CSMD1: variants seen among roughly 807,000 people sequenced by gnomAD.
CSMD1 encodes CUB and Sushi multiple domains 1.
Under a neutral mutation model 417.5 loss-of-function variants are expected in CSMD1, and 213 were observed. That is an observed-to-expected ratio of 0.51 (90% CI 0.46 to 0.57). The LOEUF (loss-of-function observed/expected upper bound fraction) is 0.57, where lower values mean the gene tolerates loss of function less well. CSMD1 is among the 20% of genes least tolerant of loss of function. The pLI is 0.00. For synonymous variants in CSMD1, 2,862 were observed against 1,736.8 expected (o/e 1.65, Z -16.11); for missense variants, 6,923 against 4,529.7 (o/e 1.53, Z -15.17).
rs141847117 is a variant in CSMD1, at chr8:3,224,990, A to G, written c.4346-1123T>C. Among the ~76,000 whole-genome samples, 15 of 152,340 alleles carry G rather than the reference A, an allele frequency of 9.8e-5. No homozygotes were observed. In the East Asian group the frequency reaches 1.4e-3, roughly 14 times the overall value. On this transcript the variant is annotated intron_variant, in intron 27 of 69. Transcript: ENST00000635120. ...GACTACAATTAAATCATAGTATTCC[A>G]CTTAAATTATATGTCTTATTTCATT...
chr8:3,108,680 T>C lies in CSMD1; in HGVS notation c.6677A>G (p.Tyr2226Cys), dbSNP rs376224992. ...FSGNTALETA[Y>C]SSTNQVLLKF... Reference sequence around the variant, plus strand: ...GAGCAGGACTTGGTTGGTGGAGCTATACGCCGTTTCGAGGGCTGTGTTGCC... The same window carrying C: ...GAGCAGGACTTGGTTGGTGGAGCTACACGCCGTTTCGAGGGCTGTGTTGCC... Residue 2226 changes from tyrosine to cysteine, a missense_variant, in exon 44 of 70, where the codon TAT (tyrosine) becomes TGT (cysteine). Tyr to Cys is a radical substitution (Grantham distance 194, BLOSUM62 -2). Coordinates refer to ENST00000635120, the MANE Select transcript of CSMD1 (RefSeq NM_033225.6). 22 of 1,613,702 alleles carry C rather than the reference T, an allele frequency of 1.4e-5. No individual in the cohort carries two copies. The highest frequency in any genetic ancestry group is 1.7e-5 in the Non-Finnish European group (20 of 1,179,844).
chr8:3,864,305 T>C (rs1804929624), intron 5 of CSMD1, among the ~76,000 whole-genome samples: 3 of 152,194 alleles, frequency 2.0e-5, no homozygotes, highest in Admixed American at 2.0e-4. Context: ...GTTGAGCTCT[T>C]TTCCTATGAG....
chr8:4,055,376 A>C (rs7001863), intron 3 of CSMD1, among the ~76,000 whole-genome samples: 1 of 152,020 alleles, frequency 6.6e-6, no homozygotes, highest in Non-Finnish European at 1.5e-5. Flanking sequence ...AAATTTCACA[A>C]ACTTACTAAG....
intron 3 of CSMD1, among the ~76,000 whole-genome samples, chr8:4,360,759 G>A (rs951732822): frequency 6.6e-6 from 1 of 151,624 alleles, no homozygotes; most frequent in Non-Finnish European, 1.5e-5. Flanking sequence ...CTCCAAAAGT[G>A]CTGGGACTAC....
chr8:3,141,693 C>G (rs1043972668), intron 41 of CSMD1, among the ~76,000 whole-genome samples: 1 of 152,110 alleles, frequency 6.6e-6, no homozygotes, highest in African/African-American at 2.4e-5. Context: ...CCATCGCACT[C>G]GGGAACAGCA....
intron 5 of CSMD1, among the ~76,000 whole-genome samples, chr8:3,892,555 TAATAAG>T (rs1238584846): frequency 6.6e-6 from 1 of 151,652 alleles, no homozygotes; most frequent in Admixed American, 6.6e-5. Context: ...ATAATAATAA[TAATAAG>T]ATTACTCTAA....
At chr8:4,881,697 T>A (rs1394212781) in intron 1 of CSMD1, among the ~76,000 whole-genome samples, 1 of 152,090 alleles carries the variant, frequency 6.6e-6, no homozygotes, top group Non-Finnish European at 1.5e-5. Flanking sequence ...ACCTCAGCCC[T>A]TCCACTTGAT....
intron 50 of CSMD1, among the ~76,000 whole-genome samples, chr8:3,044,851 C>T (rs1050146083): frequency 6.6e-6 from 1 of 152,126 alleles, no homozygotes. Flanking sequence ...ACTGCAATTG[C>T]TAAAGAAACT....
chr8:4,576,685 C>CA (rs1178645290), intron 2 of CSMD1, among the ~76,000 whole-genome samples: 2 of 151,994 alleles, frequency 1.3e-5, no homozygotes, highest in African/African-American at 2.4e-5. Context: ...AGCCTTCAGT[C>CA]ATAAGTAGCT....
intron 3 of CSMD1, among the ~76,000 whole-genome samples, chr8:4,142,869 G>A (rs995794879): frequency 1.3e-5 from 2 of 151,074 alleles, no homozygotes; most frequent in South Asian, 4.1e-4. Flanking sequence ...ATCATCATTT[G>A]ATAATATGAT....
chr8:3,169,225 C>T (rs1820431689), intron 37 of CSMD1, among the ~76,000 whole-genome samples: 1 of 152,150 alleles, frequency 6.6e-6, no homozygotes, highest in Non-Finnish European at 1.5e-5. Flanking sequence ...CAGTACAGCC[C>T]TGTTTACATC....
chr8:3,086,305 G>T (rs1814526656), intron 49 of CSMD1, among the ~76,000 whole-genome samples: 1 of 152,026 alleles, frequency 6.6e-6, no homozygotes, highest in South Asian at 2.1e-4. Context: ...AAATAATACA[G>T]TAGAGGTAAA....
intron 1 of CSMD1, among the ~76,000 whole-genome samples, chr8:4,833,879 T>A (rs535555073): frequency 1.3e-5 from 2 of 152,286 alleles, no homozygotes; most frequent in South Asian, 4.1e-4. Context: ...AGGTTGTAAA[T>A]AACAAACCGT....
chr8:4,451,581 G>A (rs189570602), intron 2 of CSMD1, among the ~76,000 whole-genome samples: 1 of 152,172 alleles, frequency 6.6e-6, no homozygotes, highest in East Asian at 1.9e-4. Flanking sequence ...GACAAAGAAA[G>A]CCTTAAAAAG....
chr8:4,456,605 G>C (rs1010444324), intron 2 of CSMD1, among the ~76,000 whole-genome samples: 10 of 152,100 alleles, frequency 6.6e-5, no homozygotes, highest in African/African-American at 1.9e-4. Flanking sequence ...AGGGATAGAA[G>C]AGTAGAGGCA....
intron 49 of CSMD1, among the ~76,000 whole-genome samples, chr8:3,055,011 C>G (rs1812121259): frequency 6.6e-6 from 1 of 152,178 alleles, no homozygotes; most frequent in African/African-American, 2.4e-5. Flanking sequence ...CTCTGAAAAT[C>G]ACGTGTTCAT....
rs552335003 is a variant in CSMD1, at chr8:4,754,000, T to G, written c.86-116442A>C. Reference sequence around the variant, plus strand: ...AAATACAGGAAGAGTAAAAATAGTCTGCCCAGCTAAAGATTCGCTTTGAAG... The same window carrying G: ...AAATACAGGAAGAGTAAAAATAGTCGGCCCAGCTAAAGATTCGCTTTGAAG... On this transcript the variant is annotated intron_variant, in intron 1 of 69. Coordinates refer to ENST00000635120, the MANE Select transcript of CSMD1 (RefSeq NM_033225.6). Among the ~76,000 whole-genome samples the G allele has an allele frequency of 2.0e-5, 3 of 152,310 alleles. No individual in the cohort carries two copies. The East Asian group carries it at 5.8e-4, about 29-fold the overall frequency.
chr8:3,812,604 C>G (rs1287969644), intron 5 of CSMD1, among the ~76,000 whole-genome samples: 1 of 152,064 alleles, frequency 6.6e-6, no homozygotes, highest in Non-Finnish European at 1.5e-5. Flanking sequence ...CTATAAAGGG[C>G]CAAAATGGAA....
chr8:4,627,193 G>C (rs1342663985), intron 2 of CSMD1, among the ~76,000 whole-genome samples: 2 of 152,066 alleles, frequency 1.3e-5, no homozygotes, highest in Non-Finnish European at 2.9e-5. Context: ...GCTACTCTTA[G>C]AGGTTGAAAG....
Sources: gnomAD v4.1 joint callset for allele counts (sites outside exome capture counted in the v4.1 genomes callset) on GRCh38, gnomAD v4.1.1 for gene constraint, MANE v1.5 for transcripts, NCBI Gene and HGNC (gene_info 2026-07-23, HGNC 2026-07-21) for gene names.